PTPRG: variants seen among roughly 807,000 people sequenced by gnomAD.
The protein encoded by PTPRG is protein tyrosine phosphatase receptor type G.
Under a neutral mutation model 165.3 loss-of-function variants are expected in PTPRG, and 102 were observed. That is an observed-to-expected ratio of 0.62 (90% CI 0.53 to 0.73). PTPRG has a LOEUF of 0.73. Ranked by LOEUF, PTPRG falls within the 30% of genes least tolerant of loss-of-function variation. The probability of loss-of-function intolerance (pLI) is 0.00; values close to 1 mark genes in which losing one functional copy is unlikely to be tolerated. For synonymous variants in PTPRG, 675 were observed against 669.5 expected, an observed-to-expected ratio of 1.01 and a Z score of -0.13; for missense variants, 1,866 against 1,861.4, an observed-to-expected ratio of 1.00 and a Z score of -0.05.
At chr3:61,966,112 T>C (rs1307455885) in intron 2 of PTPRG, among the ~76,000 whole-genome samples, 3 of 152,210 alleles carry the variant, frequency 2.0e-5, no homozygotes, top group Admixed American at 6.5e-5. Flanking sequence ...AATATGTGAC[T>C]TGCATGTCAA....
chr3:61,763,619 C>T (rs1408668039), intron 2 of PTPRG, among the ~76,000 whole-genome samples: 3 of 151,352 alleles, frequency 2.0e-5, no homozygotes, highest in African/African-American at 4.9e-5. Flanking sequence ...GATCCACCCG[C>T]CTCAGCCTCC....
intron 1 of PTPRG, among the ~76,000 whole-genome samples, chr3:61,672,812 GGAGAGA>G (rs1304800137): frequency 1.3e-4 from 19 of 147,974 alleles, no homozygotes; most frequent in African/African-American, 4.5e-4. Context: ...GGAGAGAGAG[GGAGAGA>G]GAGAGGGAGA....
chr3:62,088,673 A>C (rs918382623), intron 5 of PTPRG, among the ~76,000 whole-genome samples: 6 of 152,246 alleles, frequency 3.9e-5, no homozygotes, highest in Non-Finnish European at 8.8e-5. Context: ...AAAAGTAAAC[A>C]GAGGTAAGAA....
chr3:61,610,508 C>T (rs1290599012), intron 1 of PTPRG, among the ~76,000 whole-genome samples: 1 of 152,146 alleles, frequency 6.6e-6, no homozygotes, highest in East Asian at 1.9e-4. Flanking sequence ...AGCCAGCAGT[C>T]TTCGTAGCAG....
chr3:62,025,875 G>A (rs1027777615), intron 4 of PTPRG, among the ~76,000 whole-genome samples: 3 of 151,238 alleles, frequency 2.0e-5, no homozygotes, highest in African/African-American at 7.3e-5. Context: ...CTTTTAGAAG[G>A]CAAAACCATT....
chr3:62,179,399 C>T (rs573627371), intron 8 of PTPRG, among the ~76,000 whole-genome samples: 4 of 152,320 alleles, frequency 2.6e-5, no homozygotes, highest in African/African-American at 9.6e-5. Context: ...CAAATCTCTG[C>T]CTGTGCTGAG....
intron 1 of PTPRG, among the ~76,000 whole-genome samples, chr3:61,613,245 A>C (rs987555219): frequency 6.6e-6 from 1 of 152,172 alleles, no homozygotes; most frequent in African/African-American, 2.4e-5. Context: ...ATGCAGAGAG[A>C]TGAAAATATG....
chr3:62,206,750 T>TG, intron 12 of PTPRG, among the ~76,000 whole-genome samples: 1 of 151,918 alleles, frequency 6.6e-6, no homozygotes, highest in East Asian at 1.9e-4. Flanking sequence ...CTGGGCAACA[T>TG]GGTGAAACCC....
At chr3:61,657,647 C>T (rs1259116147) in intron 1 of PTPRG, among the ~76,000 whole-genome samples, 1 of 152,042 alleles carries the variant, frequency 6.6e-6, no homozygotes, top group East Asian at 1.9e-4. Context: ...TTCATTGTGC[C>T]CTAGTGTCTC....
chr3:61,940,558 G>T (rs2039595744), intron 2 of PTPRG, among the ~76,000 whole-genome samples: 1 of 152,044 alleles, frequency 6.6e-6, no homozygotes, highest in African/African-American at 2.4e-5. Flanking sequence ...GTCTTGTGAT[G>T]ATTTCTTGTT....
At position 62,260,560 on chromosome 3, in the gene PTPRG, C is replaced by G. The variant is rs187856163; in HGVS notation, c.2560-2238C>G. 2.4e-3 allele frequency among the ~76,000 whole-genome samples: 368 copies of G among 152,230 alleles called. 2 individuals carry two copies. Among genetic ancestry groups the G allele is most frequent in the African/African-American group, 8.5e-3 (355 of 41,554 alleles). ...TGTGCCTGTTAAGATTCAAACTGTT[C>G]TTTTTGAGAATTCTAGCTTTGTTAC... On this transcript the variant is annotated intron_variant, in intron 16 of 29. Coordinates refer to ENST00000474889, the MANE Select transcript of PTPRG (RefSeq NM_002841.4).
intron 9 of PTPRG, among the ~76,000 whole-genome samples, chr3:62,192,315 C>G (rs2106809068): frequency 6.7e-6 from 1 of 150,250 alleles, no homozygotes; most frequent in South Asian, 2.1e-4. Flanking sequence ...TGTTTAGTGT[C>G]CAACACACAA....
intron 1 of PTPRG, among the ~76,000 whole-genome samples, chr3:61,583,986 C>G (rs558275824): frequency 6.8e-4 from 103 of 152,320 alleles, no homozygotes; most frequent in Non-Finnish European, 1.1e-3. Context: ...AGGACAGGAA[C>G]CTTCTCCCCT....
intron 1 of PTPRG, among the ~76,000 whole-genome samples, chr3:61,660,179 C>T (rs1296155703): frequency 1.3e-5 from 2 of 152,124 alleles, no homozygotes; most frequent in African/African-American, 2.4e-5. Context: ...GAGGTCAGAT[C>T]ATGCCACTGC....
At chr3:61,754,624 C>T (rs2033571977) in intron 2 of PTPRG, among the ~76,000 whole-genome samples, 1 of 152,076 alleles carries the variant, frequency 6.6e-6, no homozygotes, top group South Asian at 2.1e-4. Flanking sequence ...CAGAGTCTGT[C>T]CTTGGGAATT....
At chr3:61,665,843 TTG>T (rs1289021630) in intron 1 of PTPRG, among the ~76,000 whole-genome samples, 4 of 152,122 alleles carry the variant, frequency 2.6e-5, no homozygotes, top group Non-Finnish European at 5.9e-5. Context: ...GGAAAAGATT[TTG>T]TTTTTCTAAA....
chr3:61,888,319 G>GTTTTT (rs1466488826), intron 2 of PTPRG, among the ~76,000 whole-genome samples: 5 of 136,346 alleles, frequency 3.7e-5, no homozygotes, highest in Non-Finnish European at 6.0e-5. Context: ...AGGAAAATGG[G>GTTTTT]TTGTTTTTTT....
intron 1 of PTPRG, among the ~76,000 whole-genome samples, chr3:61,681,460 T>A (rs943824711): frequency 6.6e-6 from 1 of 152,252 alleles, no homozygotes; most frequent in Non-Finnish European, 1.5e-5. Context: ...GTTGACTGGA[T>A]CTCGTAATCT....
chr3:61,748,827 T>C, intron 1 of PTPRG, 51 bp from the exon 2 acceptor site: 1 of 1,457,582 alleles, frequency 6.9e-7, no homozygotes, highest in Non-Finnish European at 9.6e-7. Flanking sequence ...ACCCTTCCTG[T>C]ATCCAGTGGG....
Sources: allele counts gnomAD v4.1 joint callset (sites outside exome capture counted in the v4.1 genomes callset), GRCh38; gene constraint gnomAD v4.1.1; transcripts MANE v1.5; gene names NCBI Gene and HGNC (gene_info 2026-07-23, HGNC 2026-07-21).